The following C2CD3 variants were observed in gnomAD, a reference collection of about 807,000 sequenced individuals.
C2CD3 encodes C2 domain-containing protein 3.
A neutral mutation model predicts 234.0 loss-of-function variants in C2CD3; 148 were observed. The ratio of observed to expected loss-of-function variants is 0.63; its 90% CI spans 0.55 to 0.72. The LOEUF is 0.72. Among genes scored for constraint, C2CD3 ranks in the 30% least tolerant of loss-of-function variants. C2CD3 has a pLI of 0.00. For missense variants in C2CD3, 2,577 were observed against 2,811.5 expected (o/e 0.92, Z 1.89); for synonymous variants, 1,000 against 1,035.4 (o/e 0.97, Z 0.66).
intron 3 of C2CD3, among the ~76,000 whole-genome samples, chr11:74,147,087 TA>T (rs912803420): frequency 5.9e-5 from 9 of 151,470 alleles, no homozygotes; most frequent in African/African-American, 7.3e-5. Flanking sequence ...TAAAATGAAA[TA>T]AAAAAAATTC....
chr11:74,094,830 C>A (rs1485206185), intron 17 of C2CD3, among the ~76,000 whole-genome samples: 2 of 152,096 alleles, frequency 1.3e-5, no homozygotes, highest in African/African-American at 4.8e-5. Flanking sequence ...CCCTTAGGAA[C>A]AGTGGTTCAG....
chr11:74,077,978 G>T, intron 23 of C2CD3, 137 bp downstream of exon 23: 1 of 1,032,736 alleles, frequency 9.7e-7, no homozygotes, highest in Non-Finnish European at 1.4e-6. Context: ...TTTTATGAAT[G>T]TAAAATGGGT....
chr11:74,158,022 C>A (rs186190032), intron 3 of C2CD3, among the ~76,000 whole-genome samples: 1 of 152,170 alleles, frequency 6.6e-6, no homozygotes, highest in Non-Finnish European at 1.5e-5. Flanking sequence ...TCTCATCATA[C>A]ATAAAAATAA....
intron 5 of C2CD3, among the ~76,000 whole-genome samples, chr11:74,134,575 C>T (rs1237741264): frequency 6.6e-6 from 1 of 152,110 alleles, no homozygotes; most frequent in Non-Finnish European, 1.5e-5. Context: ...TAGTATTGTT[C>T]CAACAGATAC....
At chr11:74,058,158 A>T (rs1285571350) in intron 24 of C2CD3, among the ~76,000 whole-genome samples, 1 of 152,230 alleles carries the variant, frequency 6.6e-6, no homozygotes, top group Non-Finnish European at 1.5e-5. Context: ...TAAGAGTCAG[A>T]TGACCAAATA....
intron 3 of C2CD3, among the ~76,000 whole-genome samples, chr11:74,143,483 G>A (rs1246873433): frequency 6.7e-6 from 1 of 150,262 alleles, no homozygotes; most frequent in African/African-American, 2.4e-5. Context: ...CTCCAAAGTA[G>A]CTGGGATTAC....
intron 3 of C2CD3, among the ~76,000 whole-genome samples, chr11:74,150,518 A>AAAAG (rs1855554214): frequency 1.4e-5 from 1 of 71,162 alleles, no homozygotes; most frequent in African/African-American, 5.2e-5. Flanking sequence ...AAAAAAAACA[A>AAAAG]AAAAAAAACA....
rs1382351297 is a variant in C2CD3, at chr11:74,106,460, G to A, written c.1996C>T (p.Arg666Ter). Residue 666 changes from arginine to a stop codon, truncating the protein, a stop_gained, in exon 13 of 33, where the codon CGA becomes TGA. Transcript: ENST00000334126. LOFTEE classifies it high-confidence loss of function. ...AGCAGCTCTGATTGAATGACAGCTC[G>A]CAAAGAAAGTGACACAGATCCAATG... Reference protein sequence around the residue: ...EVIGSVSLSLRAVIQSELLSF... With the variant: ...EVIGSVSLSL 5 of 1,613,594 alleles carry A rather than the reference G, an allele frequency of 3.1e-6. No homozygotes were observed. Among genetic ancestry groups the A allele is most frequent in the Admixed American group, 3.3e-5 (2 of 60,000 alleles).
At chr11:74,022,049 T>C (rs1276357979) in intron 32 of C2CD3, among the ~76,000 whole-genome samples, 2 of 151,690 alleles carry the variant, frequency 1.3e-5, no homozygotes, top group African/African-American at 4.8e-5. Context: ...TTGCTTGCAC[T>C]CGGGAGGCAG....
At chr11:74,106,116 T>C (rs1455766024) in intron 13 of C2CD3, among the ~76,000 whole-genome samples, 5 of 152,190 alleles carry the variant, frequency 3.3e-5, no homozygotes, top group Admixed American at 3.3e-4. Context: ...CTTACTCCTC[T>C]TATTCTTCAA....
chr11:74,169,452 T>C (rs1427501902), intron 1 of C2CD3, among the ~76,000 whole-genome samples: 2 of 152,180 alleles, frequency 1.3e-5, no homozygotes, highest in Non-Finnish European at 2.9e-5. Context: ...TTTTTTTCCT[T>C]TGACTTTTCT....
chr11:74,165,952 C>T (rs1856776470), intron 2 of C2CD3, among the ~76,000 whole-genome samples: 1 of 152,160 alleles, frequency 6.6e-6, no homozygotes, highest in Non-Finnish European at 1.5e-5. Flanking sequence ...CCTCAGCCAC[C>T]AAAGTATTGG....
In C2CD3 at chr11:74,113,848, C is replaced by A. The variant is rs1341204035; in HGVS notation, c.1775G>T (p.Ser592Ile). 5 of 1,607,714 alleles carry A rather than the reference C, an allele frequency of 3.1e-6. No homozygotes were observed. Among genetic ancestry groups the A allele is most frequent in the Middle Eastern group, 1.7e-4 (1 of 6,032 alleles). The change falls in exon 11 of 33, where the codon AGC becomes ATC. Residue 592 changes from serine to isoleucine, a missense_variant. Physicochemically the swap from Ser to Ile is moderately radical, Grantham distance 142 (BLOSUM62 -2). Transcript: ENST00000334126. ...EYHFPVGFSE[S>I]GLGKTALITE... ...GATCAAAGCTGTCTTTCCCAATCCG[C>A]TTTCCGAAAAGCCCACAGGAAAGTG...
Position 74,100,692 on chromosome 11 carries a change from A to C in C2CD3, c.2581-16T>G. ...CAGGAATCACCTAAGAGAGAGGAAC[A>C]ACCAAAACAAACAAAAAACTCATAC... On this transcript the variant is annotated splice_polypyrimidine_tract_variant and intron_variant, in intron 14 of 32. Transcript: ENST00000334126. 1.3e-6 allele frequency: 2 copies of C among 1,586,040 alleles called. No homozygotes were observed. The highest frequency in any genetic ancestry group is 1.7e-6 in the Non-Finnish European group (2 of 1,171,166).
intron 24 of C2CD3, among the ~76,000 whole-genome samples, chr11:74,068,868 C>T (rs1306492198): frequency 2.0e-5 from 3 of 152,140 alleles, no homozygotes; most frequent in Non-Finnish European, 2.9e-5. Flanking sequence ...TGCAGAGGCA[C>T]GATCTCGGCT....
intron 28 of C2CD3, among the ~76,000 whole-genome samples, chr11:74,042,520 A>G (rs1030725619): frequency 6.6e-6 from 1 of 152,110 alleles, no homozygotes; most frequent in African/African-American, 2.4e-5. Context: ...TGGGGGGCTG[A>G]GGTGGGTGGT....
At chr11:74,063,061 C>A (rs144852323) in intron 24 of C2CD3, among the ~76,000 whole-genome samples, 1 of 151,990 alleles carries the variant, frequency 6.6e-6, no homozygotes, top group Non-Finnish European at 1.5e-5. Context: ...ACACACACAC[C>A]CTCCCAAGAC....
At chr11:74,016,024 C>G (rs1484590620) in intron 32 of C2CD3, among the ~76,000 whole-genome samples, 2 of 152,130 alleles carry the variant, frequency 1.3e-5, no homozygotes, top group Non-Finnish European at 2.9e-5. Context: ...CTGCAGTAAG[C>G]CATGATCATG....
intron 24 of C2CD3, among the ~76,000 whole-genome samples, chr11:74,068,359 T>C (rs545062764): frequency 1.3e-5 from 2 of 152,316 alleles, no homozygotes; most frequent in African/African-American, 4.8e-5. Context: ...ACATATTGTA[T>C]AATAATCTGT....
Sources: allele counts gnomAD v4.1 joint callset (sites outside exome capture counted in the v4.1 genomes callset), GRCh38; gene constraint gnomAD v4.1.1; transcripts MANE v1.5; gene names NCBI Gene and HGNC (gene_info 2026-07-23, HGNC 2026-07-21).